MED12L: variants seen among roughly 807,000 people sequenced by gnomAD.
MED12L encodes the protein mediator complex subunit 12L.
A neutral mutation model predicts 281.3 loss-of-function variants in MED12L; 60 were observed. The observed-to-expected ratio is 0.21, with a 90% confidence interval of 0.17 to 0.26. The LOEUF (loss-of-function observed/expected upper bound fraction) is 0.26. Among genes scored for constraint, MED12L ranks in the 10% least tolerant of loss-of-function variants. MED12L has a pLI of 1.00. For synonymous variants in MED12L, 974 were observed against 987.2 expected (o/e 0.99, Z 0.25); for missense variants, 2,146 against 2,680.9 (o/e 0.80, Z 4.41).
chr3:151,174,307 CTT>C (rs1382721290), intron 11 of MED12L, among the ~76,000 whole-genome samples: 30 of 152,260 alleles, frequency 2.0e-4, no homozygotes, highest in African/African-American at 7.0e-4. Context: ...CCCTGTATGA[CTT>C]TCTGTTATGC....
chr3:151,247,876 A>C (rs1318616118), intron 16 of MED12L, among the ~76,000 whole-genome samples: 1 of 150,116 alleles, frequency 6.7e-6, no homozygotes, highest in African/African-American at 2.5e-5. Context: ...GCCTTCCCTT[A>C]GTTGCAGTGT....
chr3:151,155,583 G>A (rs1255247829), intron 5 of MED12L, among the ~76,000 whole-genome samples: 1 of 152,186 alleles, frequency 6.6e-6, no homozygotes, highest in Non-Finnish European at 1.5e-5. Context: ...GGGCAGTGCG[G>A]GTTGGAATGC....
intron 2 of MED12L, among the ~76,000 whole-genome samples, chr3:151,110,030 A>G (rs1711625337): frequency 6.6e-6 from 1 of 152,204 alleles, no homozygotes; most frequent in South Asian, 2.1e-4. Flanking sequence ...ATAGTGAACA[A>G]GCTTAAATCT....
In MED12L at chr3:151,178,157, C is replaced by CAAAAAAAAAAAAA. The variant is rs10572929; in HGVS notation, c.1495-7158_1495-7146dup. Among the ~76,000 whole-genome samples, 27 of 49,170 alleles carry CAAAAAAAAAAAAA rather than the reference C, an allele frequency of 5.5e-4. 1 individual carries two copies. The East Asian group carries it at 7.1e-3, about 13-fold the overall frequency. The allele number at this position is 49,170 out of a possible 152,430, so 32.3% of individuals were successfully genotyped here. On this transcript the variant is annotated intron_variant, in intron 11 of 44. Transcript: ENST00000687756. ...TGGGCAACAGAATGAGACTTGGTCT[C>CAAAAAAAAAAAAA]AAAAAAAAAAAAAAAAAAAAAAAAA... is the stretch of plus-strand genomic sequence containing the variant.
chr3:151,141,616 A>G (rs1717043438), intron 5 of MED12L, among the ~76,000 whole-genome samples: 1 of 152,198 alleles, frequency 6.6e-6, no homozygotes. Context: ...GTAGTAGTAA[A>G]ATATGAGCTA....
intron 16 of MED12L, among the ~76,000 whole-genome samples, chr3:151,313,508 A>G (rs569117074): frequency 6.6e-6 from 1 of 151,826 alleles, no homozygotes; most frequent in Non-Finnish European, 1.5e-5. Context: ...GTAAAAGTGG[A>G]TAATAGTAAT....
At chr3:151,356,656 G>A (rs1468260302) in intron 19 of MED12L, among the ~76,000 whole-genome samples, 1 of 150,894 alleles carries the variant, frequency 6.6e-6, no homozygotes, top group African/African-American at 2.4e-5. Context: ...TTTTTCTTTT[G>A]GTCTTTGTTA....
At chr3:151,380,336 C>T (rs1371806976) in intron 32 of MED12L, 112 bp downstream of exon 32, 3 of 685,002 alleles carry the variant, frequency 4.4e-6, no homozygotes, top group East Asian at 7.0e-5. Context: ...GTGGCTCATG[C>T]CTGTAATCCC....
At chr3:151,289,791 C>T (rs1187437646) in intron 16 of MED12L, among the ~76,000 whole-genome samples, 2 of 152,116 alleles carry the variant, frequency 1.3e-5, no homozygotes, top group Admixed American at 1.3e-4. Context: ...AGATTCTTGT[C>T]ATAGGCTGAT....
At chr3:151,149,658 A>G (rs775351379) in intron 5 of MED12L, among the ~76,000 whole-genome samples, 7 of 152,198 alleles carry the variant, frequency 4.6e-5, no homozygotes, top group African/African-American at 7.2e-5. Flanking sequence ...TCATTTTATG[A>G]AAGAATTCTA....
intron 16 of MED12L, among the ~76,000 whole-genome samples, chr3:151,261,063 G>GT (rs1331132963): frequency 6.6e-6 from 1 of 151,988 alleles, no homozygotes. Flanking sequence ...ATCGGCTTTT[G>GT]TTTTTTTGGA....
In MED12L at chr3:151,184,505, G is replaced by A. The variant is rs570949896; in HGVS notation, c.1495-825G>A. On this transcript the variant is annotated intron_variant, in intron 11 of 44. Transcript: ENST00000687756. ...GACATATTAAAAACTTGTAGTTGAT[G>A]TCCTATTGGTTGGCGTGGACCCTCT... Among the ~76,000 whole-genome samples the A allele has an allele frequency of 3.3e-5, 5 of 152,276 alleles. No homozygotes were observed. In the East Asian group the frequency reaches 9.6e-4, roughly 29 times the overall value.
intron 11 of MED12L, among the ~76,000 whole-genome samples, chr3:151,184,348 A>T (rs562643588): frequency 6.6e-6 from 1 of 152,342 alleles, no homozygotes; most frequent in South Asian, 2.1e-4. Context: ...ATGTTCTTCC[A>T]TGGCGTGTGC....
intron 16 of MED12L, among the ~76,000 whole-genome samples, chr3:151,312,421 C>T (rs1444049576): frequency 1.3e-5 from 2 of 152,172 alleles, no homozygotes; most frequent in Non-Finnish European, 2.9e-5. Flanking sequence ...GACTTCAGAT[C>T]ATTTTGTTTC....
intron 6 of MED12L, among the ~76,000 whole-genome samples, chr3:151,156,726 G>A (rs952723707): frequency 6.6e-6 from 1 of 152,174 alleles, no homozygotes; most frequent in Non-Finnish European, 1.5e-5. Flanking sequence ...TCTTAATTCA[G>A]CTGCAGCTGA....
intron 39 of MED12L, among the ~76,000 whole-genome samples, chr3:151,406,339 A>G (rs1716304545): frequency 1.3e-5 from 2 of 152,254 alleles, no homozygotes; most frequent in East Asian, 3.8e-4. Context: ...AACTGTTTCT[A>G]CAAATTGAAA....
Position 151,360,460 on chromosome 3 carries a change from A to T in MED12L, c.2826-14A>T. Reference sequence around the variant, plus strand: ...AAATCTATGTCTTATTTCTTCGTATATTTTTCTCCTCAGGTTGTGTGGTGT... The same window carrying T: ...AAATCTATGTCTTATTTCTTCGTATTTTTTTCTCCTCAGGTTGTGTGGTGT... On this transcript the variant is annotated splice_polypyrimidine_tract_variant and intron_variant, in intron 20 of 44. Coordinates refer to ENST00000687756, the MANE Select transcript of MED12L (RefSeq NM_001393769.1). 6.2e-7 allele frequency: 1 copy of T among 1,608,810 alleles called. No individual in the cohort carries two copies. The highest frequency in any genetic ancestry group is 1.1e-5 in the South Asian group (1 of 90,298).
intron 6 of MED12L, 42 bp downstream of exon 6, chr3:151,156,372 A>G: frequency 5.9e-6 from 9 of 1,524,922 alleles, no homozygotes; most frequent in Non-Finnish European, 7.1e-6. Flanking sequence ...CAATGCTTTT[A>G]AGAAGACAGC....
In MED12L at chr3:151,383,934, G is replaced by C. The variant is rs1313861951; in HGVS notation, c.4790+46G>C. ...ATTGATTTTGCTACATGTATGCATG[G>C]TATAAGCTTTGATATACTGATGGCG... On this transcript the variant is annotated intron_variant, in intron 34 of 44. Coordinates refer to ENST00000687756, the MANE Select transcript of MED12L (RefSeq NM_001393769.1). 6 of 1,548,516 alleles carry C rather than the reference G, an allele frequency of 3.9e-6. No individual in the cohort carries two copies. The East Asian group carries it at 1.4e-4, about 35-fold the overall frequency.
Sources: allele counts gnomAD v4.1 joint callset (sites outside exome capture counted in the v4.1 genomes callset), GRCh38; gene constraint gnomAD v4.1.1; transcripts MANE v1.5; gene names NCBI Gene and HGNC (gene_info 2026-07-23, HGNC 2026-07-21).